The following OPHN1 variants were observed in gnomAD, a reference collection of about 807,000 sequenced individuals.
OPHN1 encodes oligophrenin 1.
Under a neutral mutation model 60.7 loss-of-function variants are expected in OPHN1, and 11 were observed. The ratio of observed to expected loss-of-function variants is 0.18; its 90% CI spans 0.11 to 0.30. OPHN1 has a LOEUF of 0.30. OPHN1 is among the 10% of genes least tolerant of loss of function. The pLI is 1.00. For synonymous variants in OPHN1, 226 were observed against 222.6 expected, an observed-to-expected ratio of 1.02 and a Z score of -0.14; for missense variants, 449 against 611.0, an observed-to-expected ratio of 0.73 and a Z score of 2.80.
intron 2 of OPHN1, among the ~76,000 whole-genome samples, chrX:68,339,087 A>T (rs7877613): frequency 0.17 from 15,052 of 90,787 alleles, 1,677 homozygotes; most frequent in African/African-American, 0.43. Flanking sequence ...GAAAAAAAAA[A>T]ATATATATAT....
chrX:68,398,103 A>T (rs753095702), intron 2 of OPHN1, among the ~76,000 whole-genome samples: 1 of 111,561 alleles, frequency 9.0e-6, no homozygotes, highest in Non-Finnish European at 1.9e-5. Flanking sequence ...AAGAAACAGA[A>T]GCTGTCTTTG....
At chrX:68,267,059 A>G (rs1360530771) in intron 5 of OPHN1, among the ~76,000 whole-genome samples, 1 of 111,315 alleles carries the variant, frequency 9.0e-6, no homozygotes, top group Non-Finnish European at 1.9e-5. Flanking sequence ...AGAGACTTAG[A>G]CTCCCACACA....
intron 19 of OPHN1, among the ~76,000 whole-genome samples, chrX:68,080,390 C>T (rs887954672): frequency 1.8e-5 from 2 of 112,199 alleles, no homozygotes; most frequent in Admixed American, 1.9e-4. Flanking sequence ...TTCACTCTTA[C>T]CCTTTATGGA....
intron 18 of OPHN1, among the ~76,000 whole-genome samples, chrX:68,098,184 A>G (rs2077044872): frequency 9.0e-6 from 1 of 111,340 alleles, no homozygotes. Context: ...CAGGGAGACC[A>G]GAGCCCACTG....
intron 2 of OPHN1, among the ~76,000 whole-genome samples, chrX:68,331,923 CTA>C (rs998750014): frequency 9.1e-5 from 10 of 109,620 alleles, no homozygotes; most frequent in African/African-American, 3.3e-4. Context: ...GTAGTCCCAG[CTA>C]CTGGGGAGGC....
chrX:68,274,090 A>G (rs2077981770), intron 5 of OPHN1, among the ~76,000 whole-genome samples: 2 of 111,746 alleles, frequency 1.8e-5, no homozygotes, highest in African/African-American at 6.5e-5. Context: ...ACCATTCATG[A>G]AGGATCCACC....
At chrX:68,299,263 G>A (rs2078109431) in intron 2 of OPHN1, among the ~76,000 whole-genome samples, 167 bp from the exon 3 acceptor site, 1 of 111,968 alleles carries the variant, frequency 8.9e-6, no homozygotes. Context: ...GTAGAAGAAA[G>A]TTTGAACAAC....
chrX:68,055,629 T>C (rs954829554), intron 21 of OPHN1, among the ~76,000 whole-genome samples: 14 of 112,204 alleles, frequency 1.2e-4, no homozygotes, highest in African/African-American at 4.5e-4. Flanking sequence ...TTATAAATCA[T>C]GCTACTATAA....
At chrX:68,255,001 C>T (rs2077854817) in intron 5 of OPHN1, among the ~76,000 whole-genome samples, 1 of 93,242 alleles carries the variant, frequency 1.1e-5, no homozygotes, top group Non-Finnish European at 2.1e-5. Context: ...GGAGGCAGAT[C>T]GAGAATCTGC....
At chrX:68,146,067 AAT>A (rs776272561) in intron 15 of OPHN1, among the ~76,000 whole-genome samples, 29 of 112,470 alleles carry the variant, frequency 2.6e-4, no homozygotes, top group Non-Finnish European at 4.1e-4. Context: ...CAACTCCTAT[AAT>A]AGTTTATTCA....
At chrX:68,108,830 G>T (rs1375664635) in intron 18 of OPHN1, among the ~76,000 whole-genome samples, 7 of 111,053 alleles carry the variant, frequency 6.3e-5, no homozygotes, top group African/African-American at 2.3e-4. Flanking sequence ...TATAATTTTT[G>T]ATTTAATTTT....
intron 19 of OPHN1, among the ~76,000 whole-genome samples, chrX:68,082,222 G>A (rs1322486419): frequency 8.9e-6 from 1 of 112,221 alleles, no homozygotes; most frequent in Non-Finnish European, 1.9e-5. Context: ...AGTCAGCCAT[G>A]AAGGTTGTAA....
At chrX:68,114,974 A>G (rs1443795348) in intron 16 of OPHN1, among the ~76,000 whole-genome samples, 1 of 111,350 alleles carries the variant, frequency 9.0e-6, no homozygotes, top group Non-Finnish European at 1.9e-5. Flanking sequence ...GCTCTGCTAG[A>G]TCAGAGAAGC....
intron 21 of OPHN1, among the ~76,000 whole-genome samples, chrX:68,059,674 C>T (rs1459374677): frequency 3.6e-5 from 4 of 111,794 alleles, no homozygotes; most frequent in Non-Finnish European, 7.5e-5. Context: ...CATTAGTCAC[C>T]TCAGTGGAGA....
At position 68,100,311 on chromosome X, in the gene OPHN1, C is replaced by T. The variant is rs192588714; in HGVS notation, c.1527-3282G>A. ...CATACACACACACACACCCCAGAAACACAAAACTAAAAAGGAAGCAGAAAT... is the reference window on the plus strand; with the variant it reads ...CATACACACACACACACCCCAGAAATACAAAACTAAAAAGGAAGCAGAAAT... On this transcript the variant is annotated intron_variant, in intron 18 of 24. Transcript: ENST00000355520. Among the ~76,000 whole-genome samples, 3 of 111,053 alleles carry T rather than the reference C, an allele frequency of 2.7e-5. No homozygotes were observed. In the Admixed American group the frequency reaches 2.9e-4, roughly 11 times the overall value.
intron 23 of OPHN1, among the ~76,000 whole-genome samples, chrX:68,048,797 G>A (rs1364661460): frequency 1.8e-5 from 2 of 111,932 alleles, no homozygotes; most frequent in African/African-American, 6.5e-5. Context: ...ACACAGACAA[G>A]TACCATGTGA....
intron 15 of OPHN1, among the ~76,000 whole-genome samples, chrX:68,174,469 C>CTTT (rs767690922): frequency 2.2e-3 from 166 of 76,258 alleles, no homozygotes; most frequent in East Asian, 2.7e-3. Flanking sequence ...TTAACTTATT[C>CTTT]TTTTTTTTTT....
At chrX:68,304,289 G>A (rs2078135165) in intron 2 of OPHN1, among the ~76,000 whole-genome samples, 1 of 110,444 alleles carries the variant, frequency 9.1e-6, no homozygotes, top group African/African-American at 3.3e-5. Flanking sequence ...CATTCTGTAG[G>A]ATAATTTCAG....
chrX:68,115,524 AAAGTATCAAAG>A (rs1455303433), intron 16 of OPHN1, among the ~76,000 whole-genome samples: 2 of 112,398 alleles, frequency 1.8e-5, no homozygotes, highest in African/African-American at 6.5e-5. Context: ...AAAACAGAAG[AAAGTATCAAAG>A]AAGGCTTGTT....
Sources: gnomAD v4.1 joint callset for allele counts (sites outside exome capture counted in the v4.1 genomes callset) on GRCh38, gnomAD v4.1.1 for gene constraint, MANE v1.5 for transcripts, NCBI Gene and HGNC (gene_info 2026-07-23, HGNC 2026-07-21) for gene names.